The following MSH3 variants were observed in gnomAD, a reference collection of about 807,000 sequenced individuals.
MSH3 encodes the protein mutS homolog 3, also known as DNA mismatch repair protein Msh3.
Under a neutral mutation model 123.3 loss-of-function variants are expected in MSH3, and 106 were observed. The observed-to-expected ratio is 0.86, with a 90% CI of 0.73 to 1.01. The LOEUF (loss-of-function observed/expected upper bound fraction) is 1.01, where lower values mean the gene tolerates loss of function less well. Ranked by LOEUF, MSH3 falls within the 50% of genes least tolerant of loss-of-function variation. The pLI, the probability that MSH3 is intolerant of heterozygous loss-of-function variation, is 0.00. For missense variants in MSH3, 1,459 were observed against 1,347.6 expected, an observed-to-expected ratio of 1.08 and a Z score of -1.29; for synonymous variants, 515 against 481.4, an observed-to-expected ratio of 1.07 and a Z score of -0.91.
chr5:80,781,081 G>C (rs1025163746), intron 17 of MSH3, among the ~76,000 whole-genome samples: 9 of 152,254 alleles, frequency 5.9e-5, no homozygotes, highest in African/African-American at 1.7e-4. Context: ...TAAATCTTTT[G>C]AGACTAGCTT....
intron 2 of MSH3, among the ~76,000 whole-genome samples, chr5:80,659,687 G>A (rs1197465973): frequency 6.6e-6 from 1 of 152,044 alleles, no homozygotes; most frequent in Non-Finnish European, 1.5e-5. Context: ...GGGGTATTTA[G>A]TACATTTATA....
intron 8 of MSH3, among the ~76,000 whole-genome samples, chr5:80,690,406 C>G (rs1750202033): frequency 6.6e-6 from 1 of 152,132 alleles, no homozygotes; most frequent in Non-Finnish European, 1.5e-5. Flanking sequence ...CTCCTGGGTT[C>G]AAGCGATTCT....
chr5:80,658,035 C>CCCCT (rs369384745), intron 2 of MSH3, among the ~76,000 whole-genome samples: 1 of 87,218 alleles, frequency 1.1e-5, no homozygotes. Flanking sequence ...GCTTTTTGCC[C>CCCCT]TCTTTTTTTT....
chr5:80,853,547 C>A (rs1044074876), intron 20 of MSH3, among the ~76,000 whole-genome samples: 3 of 151,700 alleles, frequency 2.0e-5, no homozygotes, highest in Admixed American at 6.6e-5. Context: ...AAATTTAAAT[C>A]TTTTGGATCT....
intron 15 of MSH3, among the ~76,000 whole-genome samples, chr5:80,773,804 G>A (rs551756007): frequency 2.6e-5 from 4 of 152,216 alleles, no homozygotes; most frequent in African/African-American, 9.6e-5. Flanking sequence ...TTCTTGCTCT[G>A]TCGTCCAGGC....
intron 15 of MSH3, among the ~76,000 whole-genome samples, chr5:80,770,238 T>C (rs572125601): frequency 1.3e-5 from 2 of 151,940 alleles, no homozygotes; most frequent in African/African-American, 2.4e-5. Flanking sequence ...ATAAAAGATA[T>C]GTAGTAGAAA....
intron 10 of MSH3, among the ~76,000 whole-genome samples, chr5:80,732,109 ATTTT>A (rs1743422863): frequency 6.6e-6 from 1 of 152,194 alleles, no homozygotes; most frequent in Non-Finnish European, 1.5e-5. Flanking sequence ...TTCTAAAGTT[ATTTT>A]GAGAGTTTAA....
chr5:80,731,480 A>T (rs1226396986), intron 10 of MSH3, among the ~76,000 whole-genome samples: 1 of 151,922 alleles, frequency 6.6e-6, no homozygotes, highest in African/African-American at 2.4e-5. Flanking sequence ...TATTCCCAGC[A>T]TCCAGCATAA....
intron 18 of MSH3, among the ~76,000 whole-genome samples, chr5:80,791,037 A>G (rs531611930): frequency 6.6e-6 from 1 of 152,326 alleles, no homozygotes; most frequent in South Asian, 2.1e-4. Context: ...TCAATAGGAA[A>G]CATTCATCAT....
chr5:80,715,798 C>A (rs1302748836), intron 8 of MSH3, among the ~76,000 whole-genome samples: 1 of 152,072 alleles, frequency 6.6e-6, no homozygotes, highest in Admixed American at 6.6e-5. Context: ...AGAACTCACT[C>A]ACTATCACAA....
intron 6 of MSH3, among the ~76,000 whole-genome samples, chr5:80,673,807 A>G (rs1176931985): frequency 6.6e-6 from 1 of 152,190 alleles, no homozygotes; most frequent in East Asian, 1.9e-4. Flanking sequence ...CAAAAGCAAA[A>G]TTGTCAGTTT....
At chr5:80,793,433 G>A (rs1744643424) in intron 19 of MSH3, among the ~76,000 whole-genome samples, 1 of 152,196 alleles carries the variant, frequency 6.6e-6, no homozygotes, top group Non-Finnish European at 1.5e-5. Context: ...GAGAAGATAG[G>A]CTAGTGCAAT....
intron 22 of MSH3, among the ~76,000 whole-genome samples, chr5:80,869,658 C>T (rs984705624): frequency 4.6e-5 from 7 of 151,756 alleles, no homozygotes; most frequent in Non-Finnish European, 5.9e-5. Context: ...TGTATGTTAA[C>T]AAGGTATTCA....
At chr5:80,675,370 T>C (rs1244464852) in intron 7 of MSH3, among the ~76,000 whole-genome samples, 1 of 152,128 alleles carries the variant, frequency 6.6e-6, no homozygotes, top group East Asian at 1.9e-4. Flanking sequence ...GACTGGGTAA[T>C]TTATAAAGAA....
intron 20 of MSH3, among the ~76,000 whole-genome samples, chr5:80,843,025 A>T (rs1561496148): frequency 6.6e-6 from 1 of 152,094 alleles, no homozygotes; most frequent in East Asian, 1.9e-4. Flanking sequence ...ATTCAGTATG[A>T]TATTGGCTGT....
At chr5:80,811,448 G>A (rs1299137094) in intron 19 of MSH3, among the ~76,000 whole-genome samples, 1 of 151,988 alleles carries the variant, frequency 6.6e-6, no homozygotes, top group African/African-American at 2.4e-5. Flanking sequence ...GTATAACCTT[G>A]GATTGACTTA....
At chr5:80,737,401 C>T (rs996871012) in intron 10 of MSH3, among the ~76,000 whole-genome samples, 1 of 151,928 alleles carries the variant, frequency 6.6e-6, no homozygotes, top group Non-Finnish European at 1.5e-5. Flanking sequence ...AAAGATGTTT[C>T]CCTCCCACTA....
chr5:80,756,206 G>T (rs1193366030), intron 12 of MSH3, among the ~76,000 whole-genome samples: 1 of 151,904 alleles, frequency 6.6e-6, no homozygotes, highest in African/African-American at 2.4e-5. Flanking sequence ...AAAAAAGAAT[G>T]ACTTAAATAA....
intron 22 of MSH3, among the ~76,000 whole-genome samples, chr5:80,872,296 C>G (rs1012222329): frequency 6.6e-6 from 1 of 151,746 alleles, no homozygotes; most frequent in South Asian, 2.1e-4. Flanking sequence ...ATGGCCAAAA[C>G]CCCATCTCTA....
Sources: allele counts gnomAD v4.1 joint callset (sites outside exome capture counted in the v4.1 genomes callset), GRCh38; gene constraint gnomAD v4.1.1; transcripts MANE v1.5; gene names NCBI Gene and HGNC (gene_info 2026-07-23, HGNC 2026-07-21).